SERINC5: variants seen among roughly 807,000 people sequenced by gnomAD.
SERINC5 encodes the protein chromosome 5 open reading frame 12.
Under a neutral mutation model 63.1 loss-of-function variants are expected in SERINC5, and 41 were observed. The ratio of observed to expected loss-of-function variants is 0.65; its 90% CI spans 0.51 to 0.84. The LOEUF (loss-of-function observed/expected upper bound fraction) is 0.84. Among genes scored for constraint, SERINC5 ranks in the 40% least tolerant of loss-of-function variants. SERINC5 has a pLI of 0.00. For missense variants in SERINC5, 523 were observed against 573.0 expected, an observed-to-expected ratio of 0.91 and a Z score of 0.89; for synonymous variants, 222 against 215.2, an observed-to-expected ratio of 1.03 and a Z score of -0.28.
intron 1 of SERINC5, among the ~76,000 whole-genome samples, chr5:80,208,908 A>G (rs556132275): frequency 2.5e-4 from 38 of 152,322 alleles, no homozygotes; most frequent in African/African-American, 9.1e-4. Context: ...CCCAAAATTC[A>G]TATGTTGAAG....
chr5:80,147,285 CT>C lies in SERINC5; in HGVS notation c.1054-2del, dbSNP rs1745884247. The C allele has an allele frequency of 1.2e-6, 2 of 1,605,892 alleles. No homozygotes were observed. The highest frequency in any genetic ancestry group is 1.7e-6 in the Non-Finnish European group (2 of 1,176,650). ...TGAAGCAAAAACAACAGCGAGCTAT[CT>C]GTGAAAGCAAAAGCAACAGTCAGGC... On this transcript the variant is annotated splice_acceptor_variant, in intron 9 of 11. Coordinates refer to ENST00000507668, the MANE Select transcript of SERINC5 (RefSeq NM_001174072.3). LOFTEE classifies it high-confidence loss of function.
chr5:80,202,844 C>G, intron 2 of SERINC5, 42 bp downstream of exon 2: 2 of 1,572,708 alleles, frequency 1.3e-6, no homozygotes, highest in Non-Finnish European at 1.7e-6. Flanking sequence ...ACACCCTCAT[C>G]AAACATCGGA....
chr5:80,180,170 TATCAGA>T (rs935672206), intron 2 of SERINC5, among the ~76,000 whole-genome samples: 1 of 152,206 alleles, frequency 6.6e-6, no homozygotes, highest in Non-Finnish European at 1.5e-5. Context: ...TCAGTTTCAT[TATCAGA>T]ATAATTAAAA....
intron 1 of SERINC5, among the ~76,000 whole-genome samples, chr5:80,213,384 G>A (rs1750524817): frequency 6.6e-6 from 1 of 152,112 alleles, no homozygotes; most frequent in Non-Finnish European, 1.5e-5. Context: ...ATTTTACAGA[G>A]ACGAGACCAA....
intron 1 of SERINC5, among the ~76,000 whole-genome samples, chr5:80,238,805 A>C (rs1321027512): frequency 4.0e-5 from 6 of 151,898 alleles, no homozygotes; most frequent in Admixed American, 1.3e-4. Flanking sequence ...AAAAAAAAAA[A>C]AAACCCAATC....
intron 11 of SERINC5, among the ~76,000 whole-genome samples, chr5:80,133,021 G>A (rs1308570868): frequency 1.3e-5 from 2 of 152,108 alleles, no homozygotes; most frequent in African/African-American, 4.8e-5. Context: ...GAGGTGTCAT[G>A]GTTGCAGATC....
At chr5:80,138,510 C>G (rs1031057935), downstream of SERINC5, among the ~76,000 whole-genome samples, 1 of 151,888 alleles carries the variant, frequency 6.6e-6, no homozygotes, top group African/African-American at 2.4e-5. Flanking sequence ...GCAAGAGAAT[C>G]GCTTGAGCCT....
intron 1 of SERINC5, among the ~76,000 whole-genome samples, chr5:80,205,176 G>C (rs1750090219): frequency 6.6e-6 from 1 of 152,136 alleles, no homozygotes; most frequent in Admixed American, 6.5e-5. Context: ...AGAGATGAGG[G>C]GAGTTTCTCA....
chr5:80,170,850 T>C (rs1747604514), intron 5 of SERINC5, among the ~76,000 whole-genome samples: 1 of 152,120 alleles, frequency 6.6e-6, no homozygotes, highest in Non-Finnish European at 1.5e-5. Flanking sequence ...ACCTTGTCTC[T>C]ACAAAAATTA....
intron 1 of SERINC5, among the ~76,000 whole-genome samples, chr5:80,236,215 C>T (rs1217787660): frequency 6.6e-6 from 1 of 152,154 alleles, no homozygotes; most frequent in African/African-American, 2.4e-5. Flanking sequence ...GGGCCAGCCA[C>T]TGTTCCAAGC....
rs1215576294 is a variant in SERINC5 at position 80,239,010 on chromosome 5, G to A, written c.27+16886C>T. ...TAGCAAAGGCTAGGAGAGCACAGGGGTAGTACCTGCTGTGAGCTGACTAGC... is the reference window on the plus strand; with the variant it reads ...TAGCAAAGGCTAGGAGAGCACAGGGATAGTACCTGCTGTGAGCTGACTAGC... On this transcript the variant is annotated intron_variant, in intron 1 of 11. Transcript: ENST00000507668. Among the ~76,000 whole-genome samples, 4 of 152,302 alleles carry A rather than the reference G, an allele frequency of 2.6e-5. No individual in the cohort carries two copies. The East Asian group carries it at 7.7e-4, about 29-fold the overall frequency.
In SERINC5 at chr5:80,141,872, T is replaced by G; in HGVS notation, c.*1791A>C. The G allele has an allele frequency of 1.0e-6, 1 of 985,438 alleles. No homozygotes were observed. The highest frequency in any genetic ancestry group is 1.2e-6 in the Non-Finnish European group (1 of 829,924). The allele number at this position is 985,438 out of a possible 1,614,324, so 61.0% of individuals were successfully genotyped here. Reference sequence around the variant, plus strand: ...ACACAGATGGAGTGCCTTTTGAAACTGAATCTCAAACACTCTAAGTAGGGA... The same window carrying G: ...ACACAGATGGAGTGCCTTTTGAAACGGAATCTCAAACACTCTAAGTAGGGA... On this transcript the variant is annotated 3_prime_UTR_variant, in exon 12 of 12. Coordinates refer to ENST00000507668, the MANE Select transcript of SERINC5 (RefSeq NM_001174072.3).
chr5:80,166,865 A>C (rs1275263041), intron 6 of SERINC5: 1 of 198,348 alleles, frequency 5.0e-6, no homozygotes, highest in East Asian at 1.3e-4. Flanking sequence ...TGGGGAGGGG[A>C]GTAAGTGGTA....
At position 80,159,729 on chromosome 5, in the gene SERINC5, A is replaced by G. The variant is rs550427481; in HGVS notation, c.860-767T>C. ...CAAGGGCCAATGGTTTAATCATTTA[A>G]TCAATCATGCCTGTGTAATGAAGTC... is the stretch of plus-strand genomic sequence containing the variant. On this transcript the variant is annotated intron_variant, in intron 7 of 11. Coordinates refer to ENST00000507668, the MANE Select transcript of SERINC5 (RefSeq NM_001174072.3). 1.3e-4 allele frequency among the ~76,000 whole-genome samples: 20 copies of G among 152,230 alleles called. No homozygotes were observed. The South Asian group carries it at 3.9e-3, about 30-fold the overall frequency.
At chr5:80,184,988 T>C (rs1248313214) in intron 2 of SERINC5, among the ~76,000 whole-genome samples, 1 of 152,128 alleles carries the variant, frequency 6.6e-6, no homozygotes, top group Non-Finnish European at 1.5e-5. Context: ...GCGATTCTCC[T>C]GTCTCAGCCT....
intron 8 of SERINC5, among the ~76,000 whole-genome samples, chr5:80,156,669 A>AT (rs528750100): frequency 6.5e-4 from 98 of 150,312 alleles, no homozygotes; most frequent in African/African-American, 2.1e-3. Context: ...ATTTAGACAG[A>AT]TTTTTTTTTT....
At position 80,141,220 on chromosome 5, in the gene SERINC5, G is replaced by A; in HGVS notation, c.*2443C>T. On this transcript the variant is annotated 3_prime_UTR_variant, in exon 12 of 12. Coordinates refer to ENST00000507668, the MANE Select transcript of SERINC5 (RefSeq NM_001174072.3). ...GCTGAGAATAAAATTCAGAGCAACT[G>A]TAACTCTTCCTCTTGCATCAGACCA... 2.0e-6 allele frequency: 2 copies of A among 985,428 alleles called. No individual in the cohort carries two copies. Among genetic ancestry groups the A allele is most frequent in the Non-Finnish European group, 2.4e-6 (2 of 829,930 alleles). 61.0% of individuals were successfully genotyped at this position (985,428 alleles called of 1,614,324 possible). A position where few individuals can be genotyped will look rare whatever the true frequency, so the allele number is the denominator to read the frequency against.
At chr5:80,222,561 A>AGTGTGTGTGTGTGTGT (rs752186814) in intron 1 of SERINC5, among the ~76,000 whole-genome samples, 1,916 of 146,228 alleles carry the variant, frequency 0.013, 38 homozygotes, top group African/African-American at 0.046. Flanking sequence ...TGAGTGTGTG[A>AGTGTGTGTGTGTGTGT]GTGTGTGAGT....
intron 2 of SERINC5, among the ~76,000 whole-genome samples, chr5:80,186,868 A>G (rs189888017): frequency 1.3e-5 from 2 of 152,188 alleles, no homozygotes; most frequent in Non-Finnish European, 2.9e-5. Context: ...AGAAAATGCA[A>G]TATTAGGCCA....
Sources: gnomAD v4.1 joint callset for allele counts (sites outside exome capture counted in the v4.1 genomes callset) on GRCh38, gnomAD v4.1.1 for gene constraint, MANE v1.5 for transcripts, NCBI Gene and HGNC (gene_info 2026-07-23, HGNC 2026-07-21) for gene names.